Variants in ZBTB8B observed in about 807,000 individuals in gnomAD.
ZBTB8B encodes zinc finger and BTB domain-containing protein 8B.
A neutral mutation model predicts 30.3 loss-of-function variants in ZBTB8B; 17 were observed. The ratio of observed to expected loss-of-function variants is 0.56; its 90% CI spans 0.38 to 0.84. ZBTB8B has a LOEUF of 0.84. ZBTB8B is among the 40% of genes least tolerant of loss of function. ZBTB8B has a pLI of 0.00. For synonymous variants in ZBTB8B, 248 were observed against 255.6 expected, an observed-to-expected ratio of 0.97 and a Z score of 0.28; for missense variants, 515 against 644.9, an observed-to-expected ratio of 0.80 and a Z score of 2.18.
rs1307472045 is a variant in ZBTB8B at position 32,471,484 on chromosome 1, A to G, written c.860A>G (p.Asn287Ser). ...CAGTTCCTGGAGGCGCTCTTGCGCA[A>G]CAGCGCTGCCCCGAGCAAGGATGAT... ...VKQFLEALLRNSAAPSKDDAD... is the reference protein window; with the variant it reads ...VKQFLEALLRSSAAPSKDDAD... Residue 287 changes from asparagine (N) to serine (S), a missense_variant, in exon 2 of 4, where the codon AAC becomes AGC. Physicochemically the swap from Asn to Ser is conservative, Grantham distance 46. This residue lies in a region of ZBTB8B where 429 missense variants were observed against 504.3 expected (regional missense o/e 0.85). Coordinates refer to ENST00000609129, the MANE Select transcript of ZBTB8B (RefSeq NM_001145720.2). 6 of 1,551,832 alleles carry G rather than the reference A, an allele frequency of 3.9e-6. No individual in the cohort carries two copies. The highest frequency in any genetic ancestry group is 3.6e-5 in the South Asian group (3 of 84,070).
At chr1:32,476,675 G>C (rs1306586908) in intron 2 of ZBTB8B, among the ~76,000 whole-genome samples, 2 of 151,946 alleles carry the variant, frequency 1.3e-5, no homozygotes, top group East Asian at 1.9e-4. Context: ...TGTAGTCCCA[G>C]CTACTCGGGA....
chr1:32,465,638 T>A lies in ZBTB8B; in HGVS notation c.-42+533T>A, dbSNP rs768321704. 4.6e-5 allele frequency among the ~76,000 whole-genome samples: 7 copies of A among 152,204 alleles called. No individual in the cohort carries two copies. Among genetic ancestry groups the A allele is most frequent in the Non-Finnish European group, 8.8e-5 (6 of 68,034 alleles). The stretch of plus-strand genomic sequence containing the variant: ...CGTATGGAAATGGAAACTTCTCCAG[T>A]GTCCTTCTCCTCCGATCCATGCCTA... On this transcript the variant is annotated intron_variant, in intron 1 of 3. Transcript: ENST00000609129. The surrounding 1 kb of genome is among the most constrained non-coding windows in gnomAD (Gnocchi z 4.1).
Position 32,494,801 on chromosome 1 carries a change from T to C in ZBTB8B, c.*9383T>C, listed in dbSNP as rs1055511987. 1 of 152,142 alleles carries C rather than the reference T, an allele frequency of 6.6e-6. No homozygotes were observed. The highest frequency in any genetic ancestry group is 6.5e-5 in the Admixed American group (1 of 15,274). 9.4% of individuals were successfully genotyped at this position (152,142 alleles called of 1,614,324 possible). On this transcript the variant is annotated 3_prime_UTR_variant, in exon 4 of 4. Transcript: ENST00000609129. ...TTTTTTCCAACCTCGCTGATTTTTT[T>C]CCTTCTTTCTTTTTTGAGACAGAGT...
intron 1 of ZBTB8B, among the ~76,000 whole-genome samples, chr1:32,467,792 G>A (rs893781069): frequency 1.3e-5 from 2 of 151,940 alleles, no homozygotes; most frequent in South Asian, 2.1e-4. Context: ...AGTCAGTTAG[G>A]AGTCTCCCAG....
intron 1 of ZBTB8B, among the ~76,000 whole-genome samples, chr1:32,468,421 T>TGTGGTC (rs1239695419): frequency 6.6e-6 from 1 of 152,190 alleles, no homozygotes; most frequent in Non-Finnish European, 1.5e-5. Flanking sequence ...AGCCAATCAC[T>TGTGGTC]GTGGTCACAG....
At chr1:32,471,923 C>G (rs896115377) in intron 2 of ZBTB8B, among the ~76,000 whole-genome samples, 1 of 139,142 alleles carries the variant, frequency 7.2e-6, no homozygotes, top group Non-Finnish European at 1.7e-5. Context: ...CAGTACTATT[C>G]ATTACCATCA....
rs1570252171 is a variant in ZBTB8B, at chr1:32,470,512, A to AAAAAAG, written c.-41-67_-41-66insGAAAAA. 2.2e-5 allele frequency: 24 copies of AAAAAAG among 1,083,122 alleles called. No individual in the cohort carries two copies. The East Asian group carries it at 6.0e-4, about 27-fold the overall frequency. The allele number at this position is 1,083,122 out of a possible 1,614,324, so 67.1% of individuals were successfully genotyped here. ...AAGACGCTGACTCAAAAAAAAAAAA[A>AAAAAAG]AAAAAAAAAAAAAAGAAATCTTGTT... On this transcript the variant is annotated intron_variant, in intron 1 of 3. Transcript: ENST00000609129.
chr1:32,480,885 C>A lies in ZBTB8B; in HGVS notation c.992-6C>A. On this transcript the variant is annotated splice_polypyrimidine_tract_variant and splice_region_variant and intron_variant, in intron 2 of 3. Transcript: ENST00000609129. Reference sequence around the variant, plus strand: ...CACAGCTAAATGAAAGCATTTGGTTCCCCAGGTGATGTGCTGGTGGTCCCC... The same window carrying A: ...CACAGCTAAATGAAAGCATTTGGTTACCCAGGTGATGTGCTGGTGGTCCCC... 1 of 1,550,128 alleles carries A rather than the reference C, an allele frequency of 6.5e-7. No individual in the cohort carries two copies. Among genetic ancestry groups the A allele is most frequent in the Non-Finnish European group, 8.7e-7 (1 of 1,146,044 alleles).
intron 1 of ZBTB8B, among the ~76,000 whole-genome samples, chr1:32,469,571 G>A (rs1643600330): frequency 6.6e-6 from 1 of 152,062 alleles, no homozygotes; most frequent in South Asian, 2.1e-4. Flanking sequence ...ATAATTCTTA[G>A]ATGTGGATAT....
At chr1:32,481,417 G>A (rs765257754) in intron 3 of ZBTB8B, among the ~76,000 whole-genome samples, 3 of 151,940 alleles carry the variant, frequency 2.0e-5, no homozygotes, top group Non-Finnish European at 4.4e-5. Flanking sequence ...AAGGTAAGCT[G>A]CATCCTCAGT....
rs115799569 is a variant in ZBTB8B, at chr1:32,465,926, G to A, written c.-42+821G>A. Among the ~76,000 whole-genome samples the A allele has an allele frequency of 3.3e-5, 5 of 152,294 alleles. No individual in the cohort carries two copies. The highest frequency in any genetic ancestry group is 7.4e-5 in the Non-Finnish European group (5 of 68,022). On this transcript the variant is annotated intron_variant, in intron 1 of 3. Transcript: ENST00000609129. This position sits in a 1 kb window ranked among gnomAD's most constrained non-coding sequence, Gnocchi z 4.1. ...CCAGGCATGGTGGCGCGCACCTGTA[G>A]TCCCTGCTACTCGGGAAGCTAAGGT...
At chr1:32,479,291 G>A (rs1453187855) in intron 2 of ZBTB8B, among the ~76,000 whole-genome samples, 1 of 152,192 alleles carries the variant, frequency 6.6e-6, no homozygotes, top group African/African-American at 2.4e-5. Flanking sequence ...TTGGGAGGCT[G>A]AGGCAGCCGG....
At position 32,487,748 on chromosome 1, in the gene ZBTB8B, G is replaced by A. The variant is rs954569612; in HGVS notation, c.*2330G>A. The A allele has an allele frequency of 3.8e-4, 57 of 151,690 alleles. No individual in the cohort carries two copies. Among genetic ancestry groups the A allele is most frequent in the African/African-American group, 1.3e-3 (54 of 41,240 alleles). 9.4% of individuals were successfully genotyped at this position (151,690 alleles called of 1,614,324 possible). On this transcript the variant is annotated 3_prime_UTR_variant, in exon 4 of 4. Transcript: ENST00000609129. ...TCCCAGCTACTCAGGAGGCTGTGGC[G>A]AGAGGAACACTTGAGCCTGGAAAAG...
Position 32,494,856 on chromosome 1 carries a change from T to G in ZBTB8B, c.*9438T>G, listed in dbSNP as rs1643805770. ...CTCTGTCACCCAGGCTGGAGTGCAGTGGTGCAATCTCGGCCCACTGCAATC... is the reference window on the plus strand; with the variant it reads ...CTCTGTCACCCAGGCTGGAGTGCAGGGGTGCAATCTCGGCCCACTGCAATC... On this transcript the variant is annotated 3_prime_UTR_variant, in exon 4 of 4. Transcript: ENST00000609129. The G allele has an allele frequency of 6.6e-6, 1 of 152,156 alleles. No individual in the cohort carries two copies. 9.4% of individuals were successfully genotyped at this position (152,156 alleles called of 1,614,324 possible).
chr1:32,474,071 G>A (rs1043232996), intron 2 of ZBTB8B, among the ~76,000 whole-genome samples: 6 of 150,644 alleles, frequency 4.0e-5, no homozygotes, highest in Non-Finnish European at 8.9e-5. Flanking sequence ...GGCTGGACTC[G>A]AACTACTGAC....
rs868769555 is a variant in ZBTB8B at position 32,465,466 on chromosome 1, C to T, written c.-42+361C>T. Among the ~76,000 whole-genome samples, 4 of 152,244 alleles carry T rather than the reference C, an allele frequency of 2.6e-5. No individual in the cohort carries two copies. Among genetic ancestry groups the T allele is most frequent in the Non-Finnish European group, 4.4e-5 (3 of 68,046 alleles). On this transcript the variant is annotated intron_variant, in intron 1 of 3. Coordinates refer to ENST00000609129, the MANE Select transcript of ZBTB8B (RefSeq NM_001145720.2). This position sits in a 1 kb window ranked among gnomAD's most constrained non-coding sequence, Gnocchi z 4.1. ...CGATGGCCACTTTGTCCGCGGGAGG[C>T]CATGGGAGGGGCTAGGCCTTGGGGT...
At chr1:32,480,015 T>A (rs1169985201) in intron 2 of ZBTB8B, among the ~76,000 whole-genome samples, 1 of 152,204 alleles carries the variant, frequency 6.6e-6, no homozygotes, top group East Asian at 1.9e-4. Flanking sequence ...AAAGCATGAA[T>A]TCTGGTCTAG....
chr1:32,477,263 C>T (rs140607693), intron 2 of ZBTB8B, among the ~76,000 whole-genome samples: 12 of 152,254 alleles, frequency 7.9e-5, no homozygotes, highest in African/African-American at 2.9e-4. Flanking sequence ...AATATGTTTA[C>T]ATATCTTTCC....
Position 32,489,648 on chromosome 1 carries a change from G to A in ZBTB8B, c.*4230G>A, listed in dbSNP as rs193152702. 2.6e-5 allele frequency: 4 copies of A among 152,238 alleles called. No homozygotes were observed. The East Asian group carries it at 7.7e-4, about 29-fold the overall frequency. 9.4% of individuals were successfully genotyped at this position (152,238 alleles called of 1,614,324 possible). On this transcript the variant is annotated 3_prime_UTR_variant, in exon 4 of 4. Transcript: ENST00000609129. ...TTCTATTCTGGCACATTCCACCCAA[G>A]TTCACAAAGGGATATTTTCGTCTCA...
Sources: gnomAD v4.1 joint callset for allele counts (sites outside exome capture counted in the v4.1 genomes callset) on GRCh38, gnomAD v4.1.1 for gene constraint, gnomAD v4.1.1 regional missense constraint, Gnocchi (gnomAD v3.1) non-coding constraint, MANE v1.5 for transcripts, NCBI Gene and HGNC (gene_info 2026-07-23, HGNC 2026-07-21) for gene names.